The following PSMA7 variants were observed in gnomAD, a reference collection of about 807,000 sequenced individuals.
PSMA7 encodes the protein proteasome 20S subunit alpha 7.
A neutral mutation model predicts 31.3 loss-of-function variants in PSMA7; 5 were observed. The observed-to-expected ratio is 0.16, with a 90% confidence interval of 0.08 to 0.34. The LOEUF (loss-of-function observed/expected upper bound fraction) is 0.34, where lower values mean the gene tolerates loss of function less well. Ranked by LOEUF, PSMA7 falls within the 10% of genes least tolerant of loss-of-function variation. The pLI, the probability that PSMA7 is intolerant of heterozygous loss-of-function variation, is 1.00. For missense variants in PSMA7, 217 were observed against 327.5 expected, an observed-to-expected ratio of 0.66 and a Z score of 2.60; for synonymous variants, 155 against 121.9, an observed-to-expected ratio of 1.27 and a Z score of -1.79.
At chr20:62,142,904 C>T (rs1366690184) in intron 1 of PSMA7, among the ~76,000 whole-genome samples, 15 of 150,640 alleles carry the variant, frequency 1.0e-4, no homozygotes, top group Non-Finnish European at 1.5e-5. Flanking sequence ...CGGCCGGGGC[C>T]AGGGGTGCTC....
intron 4 of PSMA7, among the ~76,000 whole-genome samples, chr20:62,138,765 CCAG>C (rs975268214): frequency 7.2e-5 from 11 of 152,120 alleles, no homozygotes; most frequent in African/African-American, 2.6e-4. Flanking sequence ...GCCATGTTGG[CCAG>C]GCTGGTCTCG....
chr20:62,141,915 C>T (rs989349816), intron 1 of PSMA7, among the ~76,000 whole-genome samples: 1 of 152,250 alleles, frequency 6.6e-6, no homozygotes, highest in Admixed American at 6.5e-5. Context: ...AACAGCGCCT[C>T]CTGGTTTAGA....
Position 62,139,832 on chromosome 20 carries a change from C to T in PSMA7, c.297G>A (p.Glu99=), listed in dbSNP as rs1312188119. 6.2e-7 allele frequency: 1 copy of T among 1,614,136 alleles called. No individual in the cohort carries two copies. ...VECQSHRLTV[E]DPVTVEYITR... ...TGATGTACTCCACAGTGACCGGGTC[C>T]TCCACAGTCAGCCGGTGGCTCTGGC... Residue 99 remains glutamate, a synonymous_variant, in exon 3 of 7, where the codon GAG becomes GAA. Coordinates refer to ENST00000370873, the MANE Select transcript of PSMA7 (RefSeq NM_002792.4).
intron 2 of PSMA7, among the ~76,000 whole-genome samples, chr20:62,140,301 C>T (rs778548585): frequency 1.3e-4 from 20 of 152,150 alleles, no homozygotes; most frequent in Non-Finnish European, 2.8e-4. Context: ...GTACCTGAGT[C>T]CTCTTGGGAA....
Position 62,136,923 on chromosome 20 carries a change from C to T in PSMA7, c.681G>A (p.Lys227=). 6 of 1,601,436 alleles carry T rather than the reference C, an allele frequency of 3.7e-6. No homozygotes were observed. Among genetic ancestry groups the T allele is most frequent in the Non-Finnish European group, 5.1e-6 (6 of 1,176,178 alleles). ...LKILNPEEIE[K]YVAEIEKEKE... ...TTTCTTTTTCAATTTCAGCAACATA[C>T]TTCTCAATTTCTTCAGGATTTAAAA... The change falls in exon 7 of 7, where the codon AAG becomes AAA. Residue 227 remains lysine, a synonymous_variant. Transcript: ENST00000370873.
intron 1 of PSMA7, among the ~76,000 whole-genome samples, chr20:62,141,986 C>T (rs952993868): frequency 6.6e-6 from 1 of 152,214 alleles, no homozygotes; most frequent in African/African-American, 2.4e-5. Context: ...CTGTGCCTGC[C>T]GCCCTGAGCA....
rs1335131281 is a variant in PSMA7 at position 62,136,849 on chromosome 20, T to C, written c.*8A>G. On this transcript the variant is annotated 3_prime_UTR_variant, in exon 7 of 7. Coordinates refer to ENST00000370873, the MANE Select transcript of PSMA7 (RefSeq NM_002792.4). Reference sequence around the variant, plus strand: ...ATTTAAAAATTACAAGCAAAGACATTTTATTCATCATGATGCTTTCTTTTG... The same window carrying C: ...ATTTAAAAATTACAAGCAAAGACATCTTATTCATCATGATGCTTTCTTTTG... 6.3e-7 allele frequency: 1 copy of C among 1,592,110 alleles called. No individual in the cohort carries two copies. Among genetic ancestry groups the C allele is most frequent in the South Asian group, 1.2e-5 (1 of 86,482 alleles).
intron 5 of PSMA7, 127 bp downstream of exon 5, chr20:62,138,043 TG>T (rs1191861075): frequency 1.5e-6 from 2 of 1,291,214 alleles, no homozygotes; most frequent in Non-Finnish European, 2.2e-6. Context: ...GAGCAGTGCC[TG>T]GAACACAGCA....
At chr20:62,138,714 CCAGCAAATTTTTTT>C (rs551245914) in intron 4 of PSMA7, among the ~76,000 whole-genome samples, 1 of 152,106 alleles carries the variant, frequency 6.6e-6, no homozygotes, top group African/African-American at 2.4e-5. Flanking sequence ...GCCACCATGC[CCAGCAAATTTTTTT>C]TGTATTTTTA....
chr20:62,140,735 C>G lies in PSMA7; in HGVS notation c.223+83G>C. ...ACTCAGTTTATATGGCTCACAATAGCCCACACACCCAAGTTAATCTCCAAA... is the reference window on the plus strand; with the variant it reads ...ACTCAGTTTATATGGCTCACAATAGGCCACACACCCAAGTTAATCTCCAAA... On this transcript the variant is annotated intron_variant, in intron 2 of 6. Coordinates refer to ENST00000370873, the MANE Select transcript of PSMA7 (RefSeq NM_002792.4). The G allele has an allele frequency of 2.0e-6, 3 of 1,509,640 alleles. No individual in the cohort carries two copies. In the East Asian group the frequency reaches 6.8e-5, roughly 34 times the overall value. 93.5% of individuals were successfully genotyped at this position (1,509,640 alleles called of 1,614,324 possible). A position where few individuals can be genotyped will look rare whatever the true frequency, so the allele number is the denominator to read the frequency against.
chr20:62,139,245 T>C (rs773534014), intron 3 of PSMA7, 48 bp from the exon 4 acceptor site: 10 of 1,596,418 alleles, frequency 6.3e-6, no homozygotes, highest in South Asian at 3.3e-5. Flanking sequence ...AGAAACTGCA[T>C]GTGAGGAAAG....
chr20:62,143,271 C>T lies in PSMA7; in HGVS notation c.33G>A (p.Ser11=), dbSNP rs745516211. The change falls in exon 1 of 7, where the codon TCG becomes TCA. Residue 11 remains serine, a synonymous_variant. Transcript: ENST00000370873. MSYDRAITVF[S]PDGHLFQVEY... ...CCACTTGGAAGAGGTGGCCGTCGGG[C>T]GAGAAGACGGTGATGGCGCGGTCGT... The T allele has an allele frequency of 1.3e-5, 19 of 1,476,566 alleles. No individual in the cohort carries two copies. Among genetic ancestry groups the T allele is most frequent in the Non-Finnish European group, 1.5e-5 (17 of 1,106,408 alleles). The allele number at this position is 1,476,566 out of a possible 1,614,324, so 91.5% of individuals were successfully genotyped here. A position where few individuals can be genotyped will look rare whatever the true frequency, so the allele number is the denominator to read the frequency against.
chr20:62,141,445 A>C (rs1340976258), intron 1 of PSMA7, among the ~76,000 whole-genome samples: 2 of 152,194 alleles, frequency 1.3e-5, no homozygotes, highest in Non-Finnish European at 2.9e-5. Flanking sequence ...CATCCTGCAA[A>C]CCCAGGGGTA....
Position 62,137,445 on chromosome 20 carries a change from A to G in PSMA7, c.592-19T>C, listed in dbSNP as rs202121399. On this transcript the variant is annotated intron_variant, in intron 5 of 6. Transcript: ENST00000370873. The stretch of plus-strand genomic sequence containing the variant: ...GAACCACCTTGAAGGGACAGAAGAC[A>G]GGAGCATTAACCACCTTTCCCTATT... 130 of 1,613,036 alleles carry G rather than the reference A, an allele frequency of 8.1e-5. No homozygotes were observed. Among genetic ancestry groups the G allele is most frequent in the Non-Finnish European group, 1.8e-5 (21 of 1,179,154 alleles).
At chr20:62,141,760 G>A (rs2056928519) in intron 1 of PSMA7, among the ~76,000 whole-genome samples, 1 of 152,254 alleles carries the variant, frequency 6.6e-6, no homozygotes, top group Admixed American at 6.5e-5. Flanking sequence ...GGCCTGATTT[G>A]CCGTCAGTGG....
chr20:62,141,950 G>GC (rs2056930884), intron 1 of PSMA7, among the ~76,000 whole-genome samples: 2 of 152,268 alleles, frequency 1.3e-5, no homozygotes, highest in African/African-American at 2.4e-5. Context: ...GCTCAGCACT[G>GC]TGAGCACCTG....
intron 2 of PSMA7, 94 bp from the exon 3 acceptor site, chr20:62,139,999 C>A: frequency 6.9e-7 from 1 of 1,447,734 alleles, no homozygotes. Flanking sequence ...CTTCCACAGA[C>A]CCCCCAAACC....
chr20:62,142,275 G>A (rs1223837977), intron 1 of PSMA7, among the ~76,000 whole-genome samples: 3 of 152,124 alleles, frequency 2.0e-5, no homozygotes, highest in Admixed American at 6.5e-5. Flanking sequence ...GCAGTATTGG[G>A]GTGGGTACAG....
Position 62,137,602 on chromosome 20 carries a change from T to C in PSMA7, c.592-176A>G, listed in dbSNP as rs981695988. 2.1e-4 allele frequency: 135 copies of C among 651,454 alleles called. 1 individual carries two copies. In the East Asian group the frequency reaches 3.6e-3, roughly 17 times the overall value. 40.4% of individuals were successfully genotyped at this position (651,454 alleles called of 1,614,324 possible). On this transcript the variant is annotated intron_variant, in intron 5 of 6. Coordinates refer to ENST00000370873, the MANE Select transcript of PSMA7 (RefSeq NM_002792.4). ...AACTCATGGCCATTTGTGAAGTCTG[T>C]TTGGGATGCCTGCACACCCCTCCGC...
Sources: allele counts gnomAD v4.1 joint callset (sites outside exome capture counted in the v4.1 genomes callset), GRCh38; gene constraint gnomAD v4.1.1; transcripts MANE v1.5; gene names NCBI Gene and HGNC (gene_info 2026-07-23, HGNC 2026-07-21).